STIP1: variants seen among roughly 807,000 people sequenced by gnomAD.
STIP1 encodes stress induced phosphoprotein 1, also known as stress-induced-phosphoprotein 1.
In STIP1, 16 loss-of-function variants were observed where a neutral mutation model predicts 77.4. The ratio of observed to expected loss-of-function variants is 0.21; its 90% CI spans 0.14 to 0.31. STIP1 has a LOEUF of 0.31. Ranked by LOEUF, STIP1 falls within the 10% of genes least tolerant of loss-of-function variation. The pLI, the probability that STIP1 is intolerant of heterozygous loss-of-function variation, is 1.00. For missense variants in STIP1, 524 were observed against 684.8 expected (o/e 0.77, Z 2.62); for synonymous variants, 258 against 246.6 (o/e 1.05, Z -0.44).
chr11:64,197,167 T>C, intron 5 of STIP1, 104 bp from the exon 6 acceptor site: 1 of 1,482,630 alleles, frequency 6.7e-7, no homozygotes, highest in Non-Finnish European at 9.2e-7. Flanking sequence ...CTTGATAGAA[T>C]TCTATTCATG....
chr11:64,196,463 C>T (rs976899945), intron 5 of STIP1, among the ~76,000 whole-genome samples: 12 of 150,946 alleles, frequency 7.9e-5, no homozygotes, highest in South Asian at 2.1e-4. Flanking sequence ...GAGTGAGCTG[C>T]GGGAGTTGCC....
At chr11:64,202,400 ATT>A (rs1174421253) in intron 10 of STIP1, 7 of 101,886 alleles carry the variant, frequency 6.9e-5, no homozygotes, top group Non-Finnish European at 9.3e-5. Flanking sequence ...AGGCCAGCAA[ATT>A]TTTTTTTTTT....
chr11:64,186,618 C>T (rs1946021712), intron 1 of STIP1: 1 of 77,778 alleles, frequency 1.3e-5, no homozygotes, highest in Non-Finnish European at 2.5e-5. Context: ...GTGCGGGCCG[C>T]AGGGGGCGGG....
chr11:64,193,116 C>G lies in STIP1; in HGVS notation c.48C>G (p.Ser16Arg). Residue 16 changes from serine to arginine, a missense_variant, in exon 2 of 14, where the codon AGC (serine) becomes AGG (arginine). Physicochemically the swap from Ser to Arg is moderately radical, Grantham distance 110. Coordinates refer to ENST00000305218, the MANE Select transcript of STIP1 (RefSeq NM_006819.3). ...AGGAGAAAGGCAACAAGGCCCTGAG[C>G]GTGGGTAACATCGATGATGCCTTAC... ...ELKEKGNKALSVGNIDDALQC... is the reference protein window; with the variant it reads ...ELKEKGNKALRVGNIDDALQC... 4 of 1,614,162 alleles carry G rather than the reference C, an allele frequency of 2.5e-6. No homozygotes were observed. The highest frequency in any genetic ancestry group is 3.4e-6 in the Non-Finnish European group (4 of 1,180,036).
chr11:64,198,081 T>C, intron 8 of STIP1, 107 bp downstream of exon 8: 3 of 1,295,960 alleles, frequency 2.3e-6, no homozygotes, highest in Non-Finnish European at 3.2e-6. Context: ...TTTTTTGAGA[T>C]AGGGTCTCAC....
At chr11:64,185,633 G>A (rs1031674115), upstream of STIP1, 16 of 714,928 alleles carry the variant, frequency 2.2e-5, no homozygotes, top group South Asian at 5.9e-5. Context: ...GGGAGCGAGA[G>A]GGAAAGCAAC....
intron 2 of STIP1, chr11:64,193,535 A>G (rs1007661992): frequency 2.7e-5 from 13 of 479,524 alleles, no homozygotes; most frequent in Admixed American, 1.7e-4. Flanking sequence ...TGTGATCCCA[A>G]CACTTTGGGA....
At chr11:64,185,857 A>T, upstream of STIP1, 7 of 1,536,142 alleles carry the variant, frequency 4.6e-6, no homozygotes, top group Non-Finnish European at 6.1e-6. Flanking sequence ...GAGAGGTGGA[A>T]ATTTCCAGAA....
At chr11:64,197,140 A>C in intron 5 of STIP1, 131 bp from the exon 6 acceptor site, 2 of 1,176,316 alleles carry the variant, frequency 1.7e-6, no homozygotes, top group Non-Finnish European at 2.4e-6. Context: ...TGACTGATGA[A>C]GAGGCCTTCA....
chr11:64,185,504 C>T (rs931639277), upstream of STIP1: 4 of 362,090 alleles, frequency 1.1e-5, no homozygotes, highest in Admixed American at 4.3e-5. Flanking sequence ...ACGCGGGTAG[C>T]TGGCGCTCGA....
chr11:64,202,976 G>C (rs1946236712), intron 11 of STIP1, 64 bp downstream of exon 11: 1 of 1,611,772 alleles, frequency 6.2e-7, no homozygotes, highest in African/African-American at 1.3e-5. Flanking sequence ...GAAAGGGCAA[G>C]CCCTTTGTCT....
rs1565279891 is a variant in STIP1 at position 64,194,495 on chromosome 11, C to T, written c.378C>T (p.Asn126=). Residue 126 remains asparagine, a synonymous_variant, in exon 4 of 14, where the codon AAC becomes AAT. Coordinates refer to ENST00000305218, the MANE Select transcript of STIP1 (RefSeq NM_006819.3). ...EARLAERKFM[N]PFNMPNLYQK... Reference sequence around the variant, plus strand: ...TTTGGACAGAGAGAAAATTCATGAACCCTTTCAACATGCCTAATCTGTATC... The same window carrying T: ...TTTGGACAGAGAGAAAATTCATGAATCCTTTCAACATGCCTAATCTGTATC... 3 of 1,614,068 alleles carry T rather than the reference C, an allele frequency of 1.9e-6. No individual in the cohort carries two copies. Among genetic ancestry groups the T allele is most frequent in the Non-Finnish European group, 2.5e-6 (3 of 1,180,002 alleles).
intron 2 of STIP1, 35 bp from the exon 3 acceptor site, chr11:64,194,154 G>A: frequency 3.1e-6 from 5 of 1,588,136 alleles, no homozygotes; most frequent in South Asian, 1.2e-5. Flanking sequence ...ACCTCTGGGT[G>A]TTCTCTATTT....
intron 1 of STIP1, among the ~76,000 whole-genome samples, chr11:64,191,994 A>C (rs564906095): frequency 6.6e-6 from 1 of 151,948 alleles, no homozygotes; most frequent in Middle Eastern, 3.2e-3. Context: ...TGGGGCGGCC[A>C]GGCAGAGCTG....
intron 10 of STIP1, among the ~76,000 whole-genome samples, chr11:64,201,967 C>T (rs1946223429): frequency 6.6e-6 from 1 of 152,210 alleles, no homozygotes; most frequent in Non-Finnish European, 1.5e-5. Flanking sequence ...TCTGGTGTAT[C>T]TTCCACCTTT....
chr11:64,187,662 G>A (rs1946040229), intron 1 of STIP1, among the ~76,000 whole-genome samples: 1 of 152,174 alleles, frequency 6.6e-6, no homozygotes, highest in Non-Finnish European at 1.5e-5. Context: ...CTGTAGTATA[G>A]GTGAGGAAAA....
intron 4 of STIP1, 151 bp from the exon 5 acceptor site, chr11:64,195,494 A>G (rs1391978493): frequency 1.5e-6 from 1 of 688,956 alleles, no homozygotes; most frequent in Admixed American, 3.2e-5. Flanking sequence ...TCTCAATTGT[A>G]ACTCATGAGT....
At chr11:64,200,469 C>T (rs1565283107) in intron 10 of STIP1, among the ~76,000 whole-genome samples, 176 bp downstream of exon 10, 1 of 152,036 alleles carries the variant, frequency 6.6e-6, no homozygotes, top group East Asian at 1.9e-4. Context: ...GCCTCCACAT[C>T]CTGCTACATT....
upstream of STIP1, chr11:64,186,110 T>TC (rs915692126): frequency 2.8e-5 from 43 of 1,550,288 alleles, no homozygotes; most frequent in South Asian, 1.5e-4. Context: ...GCACAGACAT[T>TC]CCCCCTAGAA....
Sources: allele counts gnomAD v4.1 joint callset (sites outside exome capture counted in the v4.1 genomes callset), GRCh38; gene constraint gnomAD v4.1.1; transcripts MANE v1.5; gene names NCBI Gene and HGNC (gene_info 2026-07-23, HGNC 2026-07-21).